HELZ: variants seen among roughly 807,000 people sequenced by gnomAD.
The protein encoded by HELZ is helicase with zinc finger, also known as ATP-dependent RNA helicase with zinc finger domain.
HELZ carries 23 observed loss-of-function variants against 218.2 expected under a neutral mutation model. That is an observed-to-expected ratio of 0.11 (90% confidence interval 0.08 to 0.15). The LOEUF (loss-of-function observed/expected upper bound fraction) is 0.15. HELZ is among the 10% of genes least tolerant of loss of function. The pLI is 1.00. For synonymous variants in HELZ, 814 were observed against 829.4 expected (o/e 0.98, Z 0.32); for missense variants, 1,813 against 2,353.7 (o/e 0.77, Z 4.75).
At chr17:67,130,460 T>C (rs1028585972) in intron 23 of HELZ, among the ~76,000 whole-genome samples, 8 of 152,174 alleles carry the variant, frequency 5.3e-5, no homozygotes, top group Admixed American at 1.3e-4. Flanking sequence ...CTACAAAATA[T>C]TAAATATGTA....
chr17:67,206,098 C>T lies in HELZ; in HGVS notation c.248-2655G>A, dbSNP rs919999988. On this transcript the variant is annotated intron_variant, in intron 5 of 32. Coordinates refer to ENST00000358691, the MANE Select transcript of HELZ (RefSeq NM_014877.4). The stretch of plus-strand genomic sequence containing the variant: ...GCCTACTGTATTATTAAACTTGTCT[C>T]GGCTATAAAAACTGAACTTGCCAAA... 2.0e-4 allele frequency among the ~76,000 whole-genome samples: 30 copies of T among 152,156 alleles called. 1 individual carries two copies. The highest frequency in any genetic ancestry group is 1.2e-3 in the South Asian group (6 of 4,836).
Position 67,188,214 on chromosome 17 carries a change from A to T in HELZ, c.1162+105T>A. ...CAATTAAGTTGGGATTTTTTTCTTT[A>T]TTACTATTCTCTTCCTATCCATGGA... On this transcript the variant is annotated intron_variant, in intron 12 of 32. Coordinates refer to ENST00000358691, the MANE Select transcript of HELZ (RefSeq NM_014877.4). This position sits in a 1 kb window ranked among gnomAD's most constrained non-coding sequence, Gnocchi z 4.1. The T allele has an allele frequency of 1.8e-6, 2 of 1,089,388 alleles. No individual in the cohort carries two copies. Among genetic ancestry groups the T allele is most frequent in the Admixed American group, 2.3e-5 (1 of 42,932 alleles). 67.5% of individuals were successfully genotyped at this position (1,089,388 alleles called of 1,614,324 possible).
chr17:67,117,618 C>T (rs576211282), intron 27 of HELZ, among the ~76,000 whole-genome samples: 8 of 148,114 alleles, frequency 5.4e-5, no homozygotes, highest in African/African-American at 1.0e-4. Context: ...GGTGTGATCT[C>T]GGCTCACTGC....
In HELZ at chr17:67,163,356, G is replaced by A. The variant is rs192496185; in HGVS notation, c.1896-2280C>T. The stretch of plus-strand genomic sequence containing the variant: ...AACATTTATAGAAAGCCAATGAGTG[G>A]AACAACTTGTATTTATTTATCAAAT... On this transcript the variant is annotated intron_variant, in intron 15 of 32. Transcript: ENST00000358691. Among the ~76,000 whole-genome samples the A allele has an allele frequency of 2.6e-5, 4 of 152,036 alleles. No individual in the cohort carries two copies. In the East Asian group the frequency reaches 7.7e-4, roughly 29 times the overall value.
At chr17:67,137,572 C>T (rs1015579786) in intron 22 of HELZ, among the ~76,000 whole-genome samples, 1 of 152,102 alleles carries the variant, frequency 6.6e-6, no homozygotes, top group Non-Finnish European at 1.5e-5. Flanking sequence ...TAACTATAAA[C>T]TTAGAAAAGT....
intron 31 of HELZ, among the ~76,000 whole-genome samples, chr17:67,100,668 T>C (rs2036896562): frequency 6.6e-6 from 1 of 151,012 alleles, no homozygotes; most frequent in South Asian, 2.1e-4. Context: ...AAAAGTATAA[T>C]GGAAAAAAAA....
In HELZ at chr17:67,075,425, A is replaced by T. The variant is rs557694151; in HGVS notation, c.*2827T>A. On this transcript the variant is annotated 3_prime_UTR_variant, in exon 33 of 33. Coordinates refer to ENST00000358691, the MANE Select transcript of HELZ (RefSeq NM_014877.4). ...AGCTATCATCAAGTTTTCTGGAAAA[A>T]AATTTTATATACATATACTATACAT... The T allele has an allele frequency of 2.0e-5, 3 of 152,234 alleles. No individual in the cohort carries two copies. The South Asian group carries it at 6.2e-4, about 32-fold the overall frequency. The allele number at this position is 152,234 out of a possible 1,614,324, so 9.4% of individuals were successfully genotyped here. A position where few individuals can be genotyped will look rare whatever the true frequency, so the allele number is the denominator to read the frequency against.
intron 28 of HELZ, among the ~76,000 whole-genome samples, chr17:67,112,598 AAG>A (rs2037313543): frequency 6.6e-6 from 1 of 152,264 alleles, no homozygotes; most frequent in Non-Finnish European, 1.5e-5. Context: ...AGCTGTGAGT[AAG>A]AGATGCTTAT....
intron 15 of HELZ, among the ~76,000 whole-genome samples, chr17:67,165,676 A>G (rs1178832580): frequency 6.6e-6 from 1 of 152,242 alleles, no homozygotes; most frequent in African/African-American, 2.4e-5. Context: ...ATCCATGCTT[A>G]TAACAAAATG....
At chr17:67,159,338 T>C (rs938661959) in intron 17 of HELZ, among the ~76,000 whole-genome samples, 1 of 152,134 alleles carries the variant, frequency 6.6e-6, no homozygotes, top group Non-Finnish European at 1.5e-5. Context: ...ACCACTTTTT[T>C]CCTCTTTTGT....
At chr17:67,131,608 T>C (rs966217864) in intron 23 of HELZ, among the ~76,000 whole-genome samples, 2 of 152,150 alleles carry the variant, frequency 1.3e-5, no homozygotes, top group South Asian at 2.1e-4. Flanking sequence ...ACATGGATTC[T>C]AGAACTAGCC....
At chr17:67,083,544 C>T (rs1286525041) in intron 32 of HELZ, among the ~76,000 whole-genome samples, 1 of 152,162 alleles carries the variant, frequency 6.6e-6, no homozygotes, top group African/African-American at 2.4e-5. Flanking sequence ...AGGATAATTG[C>T]TTGATCCCAG....
Position 67,218,818 on chromosome 17 carries a change from A to T in HELZ, c.-14T>A. 6.2e-7 allele frequency: 1 copy of T among 1,611,170 alleles called. No individual in the cohort carries two copies. The highest frequency in any genetic ancestry group is 8.5e-7 in the Non-Finnish European group (1 of 1,177,316). On this transcript the variant is annotated 5_prime_UTR_variant, in exon 4 of 33. Coordinates refer to ENST00000358691, the MANE Select transcript of HELZ (RefSeq NM_014877.4). The stretch of plus-strand genomic sequence containing the variant: ...TCTGTCTTCCATGACTCAGGGACAA[A>T]AATCCTACAGACAGGGAGAAAGAAC...
chr17:67,197,293 C>CTA (rs58947573), intron 7 of HELZ, among the ~76,000 whole-genome samples: 10,288 of 152,230 alleles, frequency 0.068, 805 homozygotes, highest in African/African-American at 0.19. Flanking sequence ...TCACCTTCTG[C>CTA]TGATTGTGAG....
intron 12 of HELZ, among the ~76,000 whole-genome samples, chr17:67,181,031 G>A (rs779472811): frequency 5.3e-5 from 8 of 151,892 alleles, no homozygotes; most frequent in Admixed American, 2.0e-4. Context: ...CCAGCCTGGC[G>A]ACAGAGCCAG....
At chr17:67,094,681 T>C (rs1378551762) in intron 31 of HELZ, among the ~76,000 whole-genome samples, 1 of 152,146 alleles carries the variant, frequency 6.6e-6, no homozygotes. Flanking sequence ...GCCCAGCTAC[T>C]TGGGAGGCTG....
chr17:67,152,262 T>C (rs1272193693), intron 17 of HELZ, among the ~76,000 whole-genome samples: 1 of 152,182 alleles, frequency 6.6e-6, no homozygotes, highest in African/African-American at 2.4e-5. Context: ...TGAGAAGTCG[T>C]ACACGTGATT....
Position 67,070,752 on chromosome 17 carries a change from G to C in HELZ, c.*7500C>G, listed in dbSNP as rs1293974480. ...ACTCTTTAGGTATTAGAGCCTCTTAGATGAGGTATCATTTACTGCAAAGAA... is the reference window on the plus strand; with the variant it reads ...ACTCTTTAGGTATTAGAGCCTCTTACATGAGGTATCATTTACTGCAAAGAA... On this transcript the variant is annotated 3_prime_UTR_variant, in exon 33 of 33. Coordinates refer to ENST00000358691, the MANE Select transcript of HELZ (RefSeq NM_014877.4). The C allele has an allele frequency of 1.3e-5, 2 of 152,140 alleles. No homozygotes were observed. Among genetic ancestry groups the C allele is most frequent in the Non-Finnish European group, 2.9e-5 (2 of 68,032 alleles). The allele number at this position is 152,140 out of a possible 1,614,324, so 9.4% of individuals were successfully genotyped here. A position where few individuals can be genotyped will look rare whatever the true frequency, so the allele number is the denominator to read the frequency against.
chr17:67,188,670 G>A lies in HELZ; in HGVS notation c.865-54C>T, dbSNP rs2039820640. On this transcript the variant is annotated intron_variant, in intron 11 of 32. Coordinates refer to ENST00000358691, the MANE Select transcript of HELZ (RefSeq NM_014877.4). This position sits in a 1 kb window ranked among gnomAD's most constrained non-coding sequence, Gnocchi z 4.1. The stretch of plus-strand genomic sequence containing the variant: ...GTACAAGGGGGTGAAAAATCCAATT[G>A]TAATTGGGCTCTTCAATGAAAATAT... 2.2e-6 allele frequency: 3 copies of A among 1,380,080 alleles called. No homozygotes were observed. Among genetic ancestry groups the A allele is most frequent in the Middle Eastern group, 1.8e-4 (1 of 5,424 alleles). 85.5% of individuals were successfully genotyped at this position (1,380,080 alleles called of 1,614,324 possible). A position where few individuals can be genotyped will look rare whatever the true frequency, so the allele number is the denominator to read the frequency against.
Sources: gnomAD v4.1 joint callset for allele counts (sites outside exome capture counted in the v4.1 genomes callset) on GRCh38, gnomAD v4.1.1 for gene constraint, Gnocchi (gnomAD v3.1) non-coding constraint, MANE v1.5 for transcripts, NCBI Gene and HGNC (gene_info 2026-07-23, HGNC 2026-07-21) for gene names.